PRKCA: variants seen among roughly 807,000 people sequenced by gnomAD.
PRKCA encodes protein kinase C alpha type.
PRKCA carries 27 observed loss-of-function variants against 87.0 expected under a neutral mutation model. The observed-to-expected ratio is 0.31, with a 90% confidence interval of 0.23 to 0.43. The LOEUF (loss-of-function observed/expected upper bound fraction) is 0.43, where lower values mean the gene tolerates loss of function less well. Among genes scored for constraint, PRKCA ranks in the 20% least tolerant of loss-of-function variants. The pLI is 1.00. For missense variants in PRKCA, 518 were observed against 852.3 expected, an observed-to-expected ratio of 0.61 and a Z score of 4.88; for synonymous variants, 329 against 311.1, an observed-to-expected ratio of 1.06 and a Z score of -0.61.
chr17:66,732,554 T>TC, intron 8 of PRKCA, 134 bp from the exon 9 acceptor site: 2 of 1,092,948 alleles, frequency 1.8e-6, no homozygotes, highest in Non-Finnish European at 2.7e-6. Context: ...GGTACTCAAT[T>TC]CTCACCCTTT....
At chr17:66,380,007 A>G (rs1382361399) in intron 2 of PRKCA, among the ~76,000 whole-genome samples, 1 of 152,160 alleles carries the variant, frequency 6.6e-6, no homozygotes, top group Non-Finnish European at 1.5e-5. Context: ...GTCAATTACT[A>G]GTCACAGGAT....
At chr17:66,616,461 T>A (rs1024464860) in intron 3 of PRKCA, among the ~76,000 whole-genome samples, 10 of 152,170 alleles carry the variant, frequency 6.6e-5, no homozygotes, top group African/African-American at 2.4e-4. Flanking sequence ...ACTTGATTAT[T>A]TATTGATTCC....
chr17:66,636,462 G>T (rs1182576611), intron 3 of PRKCA, among the ~76,000 whole-genome samples: 1 of 152,170 alleles, frequency 6.6e-6, no homozygotes, highest in African/African-American at 2.4e-5. Context: ...CCAGGCATGG[G>T]GTGCAGAAGT....
chr17:66,351,482 T>A (rs1292554154), intron 2 of PRKCA, among the ~76,000 whole-genome samples: 1 of 152,162 alleles, frequency 6.6e-6, no homozygotes, highest in Admixed American at 6.5e-5. Flanking sequence ...CGAGAGCTCA[T>A]CCCGTAGGCC....
At chr17:66,703,974 C>T (rs1184739268) in intron 8 of PRKCA, 1 of 152,052 alleles carries the variant, frequency 6.6e-6, no homozygotes, top group Non-Finnish European at 1.5e-5. Context: ...TCACCACAAA[C>T]ATGTAATGTG....
At chr17:66,341,847 C>A (rs1907059992) in intron 2 of PRKCA, among the ~76,000 whole-genome samples, 1 of 152,136 alleles carries the variant, frequency 6.6e-6, no homozygotes, top group African/African-American at 2.4e-5. Flanking sequence ...TATACCTTTG[C>A]AGTTTACCAA....
At chr17:66,548,377 C>T (rs2143192747) in intron 3 of PRKCA, among the ~76,000 whole-genome samples, 1 of 152,246 alleles carries the variant, frequency 6.6e-6, no homozygotes, top group Non-Finnish European at 1.5e-5. Flanking sequence ...TCCCTCCCCT[C>T]AGAAAATGAT....
chr17:66,763,835 A>G (rs1481479626), intron 13 of PRKCA, among the ~76,000 whole-genome samples: 2 of 152,208 alleles, frequency 1.3e-5, no homozygotes, highest in Non-Finnish European at 2.9e-5. Context: ...ATCTCCACAC[A>G]CGTACTTTAT....
At chr17:66,721,054 G>A (rs531298449) in intron 8 of PRKCA, among the ~76,000 whole-genome samples, 2 of 152,198 alleles carry the variant, frequency 1.3e-5, no homozygotes, top group East Asian at 3.9e-4. Flanking sequence ...AAGAATTTGG[G>A]GCAAGTCCAC....
intron 3 of PRKCA, among the ~76,000 whole-genome samples, chr17:66,587,212 T>G (rs979199656): frequency 5.3e-5 from 8 of 152,202 alleles, no homozygotes; most frequent in Non-Finnish European, 1.2e-4. Flanking sequence ...AATGTTTTCT[T>G]AGGGCTAATT....
At chr17:66,471,114 C>T (rs1915308226) in intron 2 of PRKCA, among the ~76,000 whole-genome samples, 1 of 151,736 alleles carries the variant, frequency 6.6e-6, no homozygotes, top group African/African-American at 2.4e-5. Context: ...TTCTCTCATT[C>T]CTGAAACTTC....
At chr17:66,607,834 G>A (rs1309191487) in intron 3 of PRKCA, among the ~76,000 whole-genome samples, 1 of 152,180 alleles carries the variant, frequency 6.6e-6, no homozygotes, top group East Asian at 1.9e-4. Flanking sequence ...TTAATTCAGT[G>A]GACGTTGTCA....
At chr17:66,372,911 G>A (rs965167803) in intron 2 of PRKCA, among the ~76,000 whole-genome samples, 2 of 152,096 alleles carry the variant, frequency 1.3e-5, no homozygotes, top group Non-Finnish European at 2.9e-5. Context: ...ACAAAAATTA[G>A]CCGGGCTTGG....
intron 3 of PRKCA, among the ~76,000 whole-genome samples, chr17:66,612,348 T>C (rs1354756742): frequency 8.2e-6 from 1 of 121,700 alleles, no homozygotes; most frequent in African/African-American, 3.3e-5. Context: ...ACCATTGCGC[T>C]CCAGCCTGGG....
At position 66,518,094 on chromosome 17, in the gene PRKCA, G is replaced by A. The variant is rs1186605015; in HGVS notation, c.288+21811G>A. Among the ~76,000 whole-genome samples, 3 of 152,150 alleles carry A rather than the reference G, an allele frequency of 2.0e-5. No homozygotes were observed. The South Asian group carries it at 6.2e-4, about 32-fold the overall frequency. On this transcript the variant is annotated intron_variant, in intron 3 of 16. Transcript: ENST00000413366. The stretch of plus-strand genomic sequence containing the variant: ...ATCTCAATGCTGGCTGTTGTTCCAG[G>A]ATATTTTTAGTAAGATGGCCCTGTC...
At chr17:66,540,483 A>G (rs1297933526) in intron 3 of PRKCA, among the ~76,000 whole-genome samples, 1 of 152,160 alleles carries the variant, frequency 6.6e-6, no homozygotes, top group African/African-American at 2.4e-5. Context: ...AGCAGGGACC[A>G]TCTCATAAAT....
chr17:66,742,364 T>A (rs1974175932), intron 12 of PRKCA, among the ~76,000 whole-genome samples: 1 of 152,188 alleles, frequency 6.6e-6, no homozygotes, highest in South Asian at 2.1e-4. Flanking sequence ...GTCACAGACA[T>A]AGGCAAGATT....
At chr17:66,741,759 G>A (rs765284836) in intron 12 of PRKCA, 38 bp downstream of exon 12, 7 of 1,597,198 alleles carry the variant, frequency 4.4e-6, no homozygotes, top group Non-Finnish European at 6.0e-6. Context: ...GCTCAGCAGA[G>A]AGGTTAGCTG....
chr17:66,697,356 C>T (rs72848634), intron 8 of PRKCA, among the ~76,000 whole-genome samples: 516 of 152,292 alleles, frequency 3.4e-3, no homozygotes, highest in Middle Eastern at 6.8e-3. Context: ...TACCTATGGA[C>T]AAGAGTGTCT....
Sources: gnomAD v4.1 joint callset for allele counts (sites outside exome capture counted in the v4.1 genomes callset) on GRCh38, gnomAD v4.1.1 for gene constraint, MANE v1.5 for transcripts, NCBI Gene and HGNC (gene_info 2026-07-23, HGNC 2026-07-21) for gene names.